The following ZFHX3 variants were observed in gnomAD, a reference collection of about 807,000 sequenced individuals.
The protein encoded by ZFHX3 is zinc finger homeobox protein 3.
ZFHX3 carries 42 observed loss-of-function variants against 279.1 expected under a neutral mutation model. That is an observed-to-expected ratio of 0.15 (90% CI 0.12 to 0.19). ZFHX3 has a LOEUF of 0.19. ZFHX3 is among the 10% of genes least tolerant of loss of function. The pLI is 1.00. For missense variants in ZFHX3, 4,981 were observed against 4,754.0 expected, an observed-to-expected ratio of 1.05 and a Z score of -1.40; for synonymous variants, 2,293 against 1,957.8, an observed-to-expected ratio of 1.17 and a Z score of -4.52.
chr16:73,211,186 GC>G (rs943387771), intron 5 of ZFHX3, among the ~76,000 whole-genome samples: 3 of 152,072 alleles, frequency 2.0e-5, no homozygotes, highest in Non-Finnish European at 4.4e-5. Flanking sequence ...TTGCCTTAAA[GC>G]CCCCCAACTT....
intron 1 of ZFHX3, among the ~76,000 whole-genome samples, chr16:73,005,350 C>A (rs904055168): frequency 6.6e-6 from 1 of 151,892 alleles, no homozygotes; most frequent in Non-Finnish European, 1.5e-5. Flanking sequence ...CAAAAATTAG[C>A]TGGGCATGGT....
chr16:73,294,239 T>G (rs1186063215), intron 4 of ZFHX3: 1 of 152,210 alleles, frequency 6.6e-6, no homozygotes. Context: ...GAGGTCCCAT[T>G]CCTGGAAGGT....
intron 5 of ZFHX3, among the ~76,000 whole-genome samples, chr16:73,203,748 A>T (rs1001360668): frequency 9.2e-5 from 14 of 152,232 alleles, no homozygotes; most frequent in Non-Finnish European, 1.8e-4. Flanking sequence ...TTACTGCAGT[A>T]TATAGGCTGT....
chr16:73,483,472 A>C (rs1300228409), intron 2 of ZFHX3: 1 of 436,194 alleles, frequency 2.3e-6, no homozygotes, highest in Non-Finnish European at 4.5e-6. Context: ...GTGCTCTGCC[A>C]ATTCAAATGG....
chr16:73,356,381 C>G (rs920302223), intron 3 of ZFHX3, among the ~76,000 whole-genome samples: 35 of 151,498 alleles, frequency 2.3e-4, no homozygotes, highest in African/African-American at 8.0e-4. Flanking sequence ...ATAATTTTAT[C>G]AGAAAAACCC....
intron 1 of ZFHX3, among the ~76,000 whole-genome samples, chr16:73,764,774 C>G (rs991062503): frequency 6.6e-6 from 1 of 152,164 alleles, no homozygotes; most frequent in African/African-American, 2.4e-5. Flanking sequence ...AGACACAAAC[C>G]AGTGACTTGA....
chr16:72,942,313 C>T (rs1248004319), intron 3 of ZFHX3, among the ~76,000 whole-genome samples: 3 of 152,316 alleles, frequency 2.0e-5, no homozygotes, highest in East Asian at 1.9e-4. Context: ...AATGCAGAAG[C>T]AACGGAATAT....
chr16:73,738,473 A>G (rs994199033), intron 1 of ZFHX3, among the ~76,000 whole-genome samples: 1 of 152,204 alleles, frequency 6.6e-6, no homozygotes, highest in Non-Finnish European at 1.5e-5. Flanking sequence ...TTTCCATTAG[A>G]CCTTGCTGTC....
chr16:73,487,277 T>A, intron 2 of ZFHX3: 1 of 301,470 alleles, frequency 3.3e-6, no homozygotes, highest in Non-Finnish European at 6.6e-6. Context: ...GTTTAGTTAA[T>A]GGTGGGCAGC....
rs557486256 is a variant in ZFHX3, at chr16:73,568,862, C to A, written c.-1547+111318G>T. Among the ~76,000 whole-genome samples, 5 of 152,226 alleles carry A rather than the reference C, an allele frequency of 3.3e-5. No homozygotes were observed. In the East Asian group the frequency reaches 5.8e-4, roughly 18 times the overall value. On this transcript the variant is annotated intron_variant, in intron 2 of 17. Transcript: ENST00000641206. Reference sequence around the variant, plus strand: ...TCTCCATTCTGGGCCACTCTCCATGCCCCGCTGTCCGGCTCCGACAGACAG... The same window carrying A: ...TCTCCATTCTGGGCCACTCTCCATGACCCGCTGTCCGGCTCCGACAGACAG...
intron 1 of ZFHX3, among the ~76,000 whole-genome samples, chr16:73,008,052 T>A (rs1322671863): frequency 2.6e-5 from 4 of 152,212 alleles, no homozygotes; most frequent in African/African-American, 9.6e-5. Context: ...TTTAGATTTA[T>A]CAATTCAGTG....
intron 1 of ZFHX3, among the ~76,000 whole-genome samples, chr16:73,772,330 G>A (rs977825849): frequency 5.3e-5 from 8 of 152,300 alleles, no homozygotes; most frequent in South Asian, 2.1e-4. Flanking sequence ...CACATCTTAC[G>A]TGGATGGCAG....
chr16:72,863,417 C>T (rs937560637), intron 4 of ZFHX3, among the ~76,000 whole-genome samples: 1 of 149,248 alleles, frequency 6.7e-6, no homozygotes, highest in East Asian at 2.0e-4. Flanking sequence ...ACTCAGGAGA[C>T]TGAGGCAGGA....
At chr16:72,914,020 T>C (rs2039382257) in intron 3 of ZFHX3, among the ~76,000 whole-genome samples, 1 of 152,000 alleles carries the variant, frequency 6.6e-6, no homozygotes, top group African/African-American at 2.4e-5. Flanking sequence ...AACCAAGAGG[T>C]TAAATCACTT....
At chr16:73,112,041 C>G (rs939504914) in intron 7 of ZFHX3, among the ~76,000 whole-genome samples, 6 of 151,958 alleles carry the variant, frequency 3.9e-5, no homozygotes, top group Non-Finnish European at 7.4e-5. Flanking sequence ...ACTGGTGGGT[C>G]TAGGTGGTGC....
chr16:73,509,284 C>A (rs1015924735), intron 2 of ZFHX3, among the ~76,000 whole-genome samples: 2 of 152,106 alleles, frequency 1.3e-5, no homozygotes, highest in East Asian at 3.9e-4. Flanking sequence ...AAAATGGCAC[C>A]ACCTCACTAC....
intron 3 of ZFHX3, among the ~76,000 whole-genome samples, chr16:73,388,130 T>C (rs1356844976): frequency 6.6e-6 from 1 of 152,162 alleles, no homozygotes; most frequent in Admixed American, 6.5e-5. Context: ...GGCAGGCTAT[T>C]CTTGCCCTCT....
intron 3 of ZFHX3, among the ~76,000 whole-genome samples, chr16:73,348,518 C>G (rs1174814378): frequency 6.6e-6 from 1 of 152,214 alleles, no homozygotes; most frequent in African/African-American, 2.4e-5. Flanking sequence ...CCACTTGAAG[C>G]CGTGTTTGAT....
intron 5 of ZFHX3, among the ~76,000 whole-genome samples, chr16:73,192,367 T>A (rs1233132916): frequency 1.3e-5 from 2 of 152,162 alleles, no homozygotes; most frequent in African/African-American, 4.8e-5. Flanking sequence ...CGCCCTGGCT[T>A]CCTGGGATTT....
Sources: allele counts gnomAD v4.1 joint callset (sites outside exome capture counted in the v4.1 genomes callset), GRCh38; gene constraint gnomAD v4.1.1; transcripts MANE v1.5; gene names NCBI Gene and HGNC (gene_info 2026-07-23, HGNC 2026-07-21).